The following SCAF4 variants were observed in gnomAD, a reference collection of about 807,000 sequenced individuals.
The protein encoded by SCAF4 is SR-related and CTD-associated factor 4.
In SCAF4, 25 loss-of-function variants were observed where a neutral mutation model predicts 129.8. That is an observed-to-expected ratio of 0.19 (90% CI 0.14 to 0.27). The LOEUF (loss-of-function observed/expected upper bound fraction) is 0.27. Ranked by LOEUF, SCAF4 falls within the 10% of genes least tolerant of loss-of-function variation. SCAF4 has a pLI of 1.00. For missense variants in SCAF4, 1,246 were observed against 1,457.1 expected (o/e 0.86, Z 2.36); for synonymous variants, 551 against 497.7 (o/e 1.11, Z -1.43).
At chr21:31,701,260 ATT>A in intron 6 of SCAF4, 89 bp from the exon 7 acceptor site, 1 of 1,202,390 alleles carries the variant, frequency 8.3e-7, no homozygotes, top group Non-Finnish European at 1.1e-6. Context: ...CTTAAAGGTG[ATT>A]CAAAGTAGCA....
Position 31,694,294 on chromosome 21 carries a change from A to G in SCAF4, c.1237-5T>C, listed in dbSNP as rs1444709324. The G allele has an allele frequency of 1.3e-6, 2 of 1,547,230 alleles. No homozygotes were observed. Among genetic ancestry groups the G allele is most frequent in the Admixed American group, 3.5e-5 (2 of 57,536 alleles). On this transcript the variant is annotated splice_polypyrimidine_tract_variant and splice_region_variant and intron_variant, in intron 10 of 19. Transcript: ENST00000286835. ...AGGTTGTTCTACTTCCATTTCCTTA[A>G]AAAACAAAAACCATGATAAAATGAG...
intron 1 of SCAF4, among the ~76,000 whole-genome samples, chr21:31,717,953 ATT>A (rs1209080362): frequency 2.1e-5 from 3 of 145,838 alleles, no homozygotes; most frequent in African/African-American, 5.1e-5. Flanking sequence ...ACACATATAT[ATT>A]TTTTTGAGAT....
chr21:31,671,591 T>A lies in SCAF4; in HGVS notation c.3252A>T (p.Thr1084=). ...CGGTTTTGTTACCACCTGCCCTGTCTGTCACCTCAGGCTTTTCCTTTCCTC... is the reference window on the plus strand; with the variant it reads ...CGGTTTTGTTACCACCTGCCCTGTCAGTCACCTCAGGCTTTTCCTTTCCTC... The part of the protein sequence containing the change: ...EARGKEKPEV[T]DRAGGNKTVE... Residue 1084 remains threonine (T), a synonymous_variant, in exon 20 of 20, where the codon ACA becomes ACT. Transcript: ENST00000286835. 1 of 1,614,188 alleles carries A rather than the reference T, an allele frequency of 6.2e-7. No individual in the cohort carries two copies. The highest frequency in any genetic ancestry group is 8.5e-7 in the Non-Finnish European group (1 of 1,180,020).
At chr21:31,678,670 T>C (rs1253771779) in intron 19 of SCAF4, among the ~76,000 whole-genome samples, 1 of 152,128 alleles carries the variant, frequency 6.6e-6, no homozygotes, top group Non-Finnish European at 1.5e-5. Flanking sequence ...CCTTCAACAA[T>C]CCATGCCCCA....
intron 19 of SCAF4, among the ~76,000 whole-genome samples, chr21:31,677,464 C>T (rs926075729): frequency 1.3e-5 from 2 of 152,210 alleles, no homozygotes; most frequent in Non-Finnish European, 2.9e-5. Context: ...TGTTCAAAAT[C>T]CTAATTGTAT....
chr21:31,702,234 C>T lies in SCAF4; in HGVS notation c.457+10G>A, dbSNP rs2123585572. 2.5e-6 allele frequency: 4 copies of T among 1,614,046 alleles called. No homozygotes were observed. Among genetic ancestry groups the T allele is most frequent in the East Asian group, 2.2e-5 (1 of 44,866 alleles). On this transcript the variant is annotated intron_variant, in intron 5 of 19. Coordinates refer to ENST00000286835, the MANE Select transcript of SCAF4 (RefSeq NM_020706.2). ...CCATTGTGTGAGCTCACAGATACAT[C>T]TGACCATACCTTCATTATTGGTAAC...
In SCAF4 at chr21:31,694,998, A is replaced by C; in HGVS notation, c.1069-18T>G. The C allele has an allele frequency of 6.2e-7, 1 of 1,605,100 alleles. No individual in the cohort carries two copies. The highest frequency in any genetic ancestry group is 8.5e-7 in the Non-Finnish European group (1 of 1,173,160). On this transcript the variant is annotated intron_variant, in intron 9 of 19. Coordinates refer to ENST00000286835, the MANE Select transcript of SCAF4 (RefSeq NM_020706.2). Reference sequence around the variant, plus strand: ...AGTGGAACCTTTCATTTTTAAAGAAAGTGTATGAGTAATAGCTATCAAAAT... The same window carrying C: ...AGTGGAACCTTTCATTTTTAAAGAACGTGTATGAGTAATAGCTATCAAAAT...
chr21:31,711,075 G>T (rs1372247298), intron 1 of SCAF4, among the ~76,000 whole-genome samples: 1 of 152,078 alleles, frequency 6.6e-6, no homozygotes, highest in Admixed American at 6.5e-5. Context: ...TTCCCCAGCA[G>T]CTGGAACTAT....
intron 1 of SCAF4, among the ~76,000 whole-genome samples, chr21:31,713,768 GGAA>G (rs1253235751): frequency 1.3e-5 from 2 of 151,626 alleles, no homozygotes; most frequent in African/African-American, 4.9e-5. Context: ...GGGGGGGCAG[GGAA>G]GAAGCACTGC....
intron 19 of SCAF4, 114 bp from the exon 20 acceptor site, chr21:31,672,468 C>A: frequency 1.2e-6 from 1 of 860,406 alleles, no homozygotes; most frequent in East Asian, 2.6e-5. Flanking sequence ...CTTCAAATTT[C>A]ATAGTTTGCC....
At chr21:31,703,700 T>G in intron 4 of SCAF4, 65 bp downstream of exon 4, 1 of 895,870 alleles carries the variant, frequency 1.1e-6, no homozygotes, top group Non-Finnish European at 1.7e-6. Context: ...GCTCCAAATA[T>G]CTAACATACA....
At chr21:31,730,777 C>G (rs2123708968) in intron 1 of SCAF4, among the ~76,000 whole-genome samples, 1 of 152,338 alleles carries the variant, frequency 6.6e-6, no homozygotes, top group African/African-American at 2.4e-5. Flanking sequence ...AAAGCAACAC[C>G]TGGAATGATC....
intron 1 of SCAF4, among the ~76,000 whole-genome samples, chr21:31,723,858 A>G (rs1271798352): frequency 6.6e-6 from 1 of 152,090 alleles, no homozygotes; most frequent in Non-Finnish European, 1.5e-5. Flanking sequence ...ACCCAAACAT[A>G]AATTATAACT....
chr21:31,703,870 C>G lies in SCAF4; in HGVS notation c.216G>C (p.Gln72His). The G allele has an allele frequency of 6.3e-7, 1 of 1,598,668 alleles. No homozygotes were observed. Among genetic ancestry groups the G allele is most frequent in the Non-Finnish European group, 8.6e-7 (1 of 1,169,034 alleles). ...TATCAGTTCCAAACTGATGACGAGA[C>G]TGTCGCACAATTGAGTCAATTACAT... ...GLYVIDSIVR[Q>H]SRHQFGTDKD... The change falls in exon 4 of 20, where the codon CAG becomes CAC. Residue 72 changes from glutamine to histidine, a missense_variant. This residue lies in a region of SCAF4 where 56 missense variants were observed against 139.4 expected (regional missense o/e 0.40). Coordinates refer to ENST00000286835, the MANE Select transcript of SCAF4 (RefSeq NM_020706.2).
chr21:31,693,501 A>G lies in SCAF4; in HGVS notation c.1323-17T>C. 1 of 1,455,966 alleles carries G rather than the reference A, an allele frequency of 6.9e-7. No homozygotes were observed. The highest frequency in any genetic ancestry group is 1.4e-5 in the South Asian group (1 of 69,260). 90.2% of individuals were successfully genotyped at this position (1,455,966 alleles called of 1,614,324 possible). ...TTTGGTGACCTAATGTTTTCAAGAG[A>G]AGGGAGAATGCATAGCATATAGACA... On this transcript the variant is annotated splice_polypyrimidine_tract_variant and intron_variant, in intron 11 of 19. Transcript: ENST00000286835.
intron 1 of SCAF4, chr21:31,712,989 A>T (rs572968688): frequency 2.6e-6 from 1 of 385,640 alleles, no homozygotes; most frequent in South Asian, 1.1e-4. Context: ...TGTTTCTCTT[A>T]ATTAAAAATC....
chr21:31,717,522 AC>A (rs1346812810), intron 1 of SCAF4, among the ~76,000 whole-genome samples: 1 of 152,176 alleles, frequency 6.6e-6, no homozygotes, highest in Non-Finnish European at 1.5e-5. Flanking sequence ...TGTCTGAGAT[AC>A]ATCTTTGTTC....
chr21:31,722,992 G>A (rs1441443735), intron 1 of SCAF4, among the ~76,000 whole-genome samples: 4 of 152,046 alleles, frequency 2.6e-5, no homozygotes, highest in Admixed American at 1.3e-4. Flanking sequence ...AAAAATACAT[G>A]GATAGTATTG....
chr21:31,681,872 A>G (rs902974739), intron 19 of SCAF4, among the ~76,000 whole-genome samples: 2 of 152,156 alleles, frequency 1.3e-5, no homozygotes, highest in African/African-American at 4.8e-5. Flanking sequence ...AGGCTTCACT[A>G]CAGAATTTTT....
Sources: allele counts gnomAD v4.1 joint callset (sites outside exome capture counted in the v4.1 genomes callset), GRCh38; gene constraint gnomAD v4.1.1; regional missense constraint gnomAD v4.1.1; transcripts MANE v1.5; gene names NCBI Gene and HGNC (gene_info 2026-07-23, HGNC 2026-07-21).